The following PCDH15 variants were observed in gnomAD, a reference collection of about 807,000 sequenced individuals.
The protein encoded by PCDH15 is protocadherin related 15, also known as protocadherin-15.
A neutral mutation model predicts 178.5 loss-of-function variants in PCDH15; 129 were observed. That is an observed-to-expected ratio of 0.72 (90% CI 0.63 to 0.84). The LOEUF (loss-of-function observed/expected upper bound fraction) is 0.84. Ranked by LOEUF, PCDH15 falls within the 40% of genes least tolerant of loss-of-function variation. PCDH15 has a pLI of 0.00. For synonymous variants in PCDH15, 800 were observed against 732.0 expected (o/e 1.09, Z -1.50); for missense variants, 2,230 against 2,099.9 (o/e 1.06, Z -1.21).
intron 2 of PCDH15, among the ~76,000 whole-genome samples, chr10:54,630,390 T>G (rs77933450): frequency 2.7e-3 from 409 of 152,284 alleles, no homozygotes; most frequent in African/African-American, 9.6e-3. Flanking sequence ...TTCAACAGAC[T>G]CGACAAAAAT....
At chr10:54,991,746 AC>A (rs1442603195) in intron 2 of PCDH15, among the ~76,000 whole-genome samples, 1 of 152,134 alleles carries the variant, frequency 6.6e-6, no homozygotes, top group Non-Finnish European at 1.5e-5. Flanking sequence ...ATTTAAAATC[AC>A]TCGACTTATT....
chr10:54,471,695 C>CA (rs1373023902), intron 3 of PCDH15, among the ~76,000 whole-genome samples: 1 of 150,782 alleles, frequency 6.6e-6, no homozygotes. Flanking sequence ...ATATTCATTA[C>CA]AAAAACATGA....
chr10:54,363,445 A>G (rs1250546505), intron 5 of PCDH15, among the ~76,000 whole-genome samples: 2 of 152,190 alleles, frequency 1.3e-5, no homozygotes, highest in African/African-American at 4.8e-5. Flanking sequence ...GAAGTACAGA[A>G]CAAATTAAAT....
intron 2 of PCDH15, among the ~76,000 whole-genome samples, chr10:54,983,081 T>C (rs1032107761): frequency 4.6e-5 from 7 of 152,178 alleles, no homozygotes; most frequent in Non-Finnish European, 1.0e-4. Context: ...AGTAGGCATA[T>C]ATCAAGTTTA....
chr10:54,563,462 G>A (rs1162141087), intron 2 of PCDH15, among the ~76,000 whole-genome samples: 2 of 152,092 alleles, frequency 1.3e-5, no homozygotes, highest in African/African-American at 2.4e-5. Flanking sequence ...TCAAAGTACC[G>A]TGTTAACTTT....
intron 2 of PCDH15, among the ~76,000 whole-genome samples, chr10:55,153,270 T>C (rs1838788246): frequency 6.6e-6 from 1 of 152,072 alleles, no homozygotes; most frequent in African/African-American, 2.4e-5. Flanking sequence ...CCAGGTTGTG[T>C]CCTGCCCACA....
intron 18 of PCDH15, 87 bp downstream of exon 18, chr10:54,066,670 A>T: frequency 7.5e-7 from 1 of 1,340,084 alleles, no homozygotes; most frequent in Non-Finnish European, 1.1e-6. Flanking sequence ...AGATTACATT[A>T]GCTGAGTTTC....
intron 25 of PCDH15, among the ~76,000 whole-genome samples, chr10:53,918,922 T>A (rs1214437665): frequency 1.3e-5 from 2 of 152,198 alleles, no homozygotes; most frequent in Non-Finnish European, 2.9e-5. Flanking sequence ...TTCTAGAGCC[T>A]CTAGGGCTGT....
At chr10:55,402,347 T>C (rs1434743889) in intron 2 of PCDH15, among the ~76,000 whole-genome samples, 1 of 152,048 alleles carries the variant, frequency 6.6e-6, no homozygotes, top group Non-Finnish European at 1.5e-5. Context: ...ACTTCAAACA[T>C]TTATCATTTA....
chr10:53,952,351 C>T (rs2087151506), intron 23 of PCDH15, among the ~76,000 whole-genome samples: 1 of 152,186 alleles, frequency 6.6e-6, no homozygotes, highest in African/African-American at 2.4e-5. Flanking sequence ...CTGAAATAGG[C>T]AGCTCCTATA....
intron 2 of PCDH15, among the ~76,000 whole-genome samples, chr10:54,942,678 C>G (rs1192747615): frequency 6.6e-6 from 1 of 151,958 alleles, no homozygotes; most frequent in East Asian, 1.9e-4. Flanking sequence ...AGCACAAGGT[C>G]AAAGGCTTAC....
chr10:55,249,626 A>G (rs572071713), intron 1 of PCDH15, among the ~76,000 whole-genome samples: 12 of 152,318 alleles, frequency 7.9e-5, no homozygotes, highest in Non-Finnish European at 1.6e-4. Context: ...ATAAATTGCA[A>G]TCTTCTAATT....
intron 1 of PCDH15, among the ~76,000 whole-genome samples, chr10:54,739,594 C>A (rs1195874419): frequency 1.3e-5 from 2 of 150,166 alleles, no homozygotes; most frequent in African/African-American, 2.4e-5. Context: ...TTGTATGGAG[C>A]CACAAAAGAC....
intron 29 of PCDH15, among the ~76,000 whole-genome samples, 191 bp from the exon 30 acceptor site, chr10:53,831,724 T>C (rs1588990968): frequency 6.6e-6 from 1 of 152,126 alleles, no homozygotes; most frequent in Non-Finnish European, 1.5e-5. Context: ...ATTACACATC[T>C]GTATAGAAAT....
chr10:55,318,233 AG>A, intron 1 of PCDH15, among the ~76,000 whole-genome samples: 1 of 152,172 alleles, frequency 6.6e-6, no homozygotes, highest in South Asian at 2.1e-4. Context: ...AGAGAGAGAG[AG>A]GGAGAGAGAG....
chr10:54,691,254 TA>T (rs1282300532), intron 1 of PCDH15, among the ~76,000 whole-genome samples: 1 of 152,088 alleles, frequency 6.6e-6, no homozygotes, highest in East Asian at 1.9e-4. Context: ...TTGGCTCACT[TA>T]AAAGACTTTC....
chr10:54,390,295 TTTG>T (rs1565155653), intron 3 of PCDH15, among the ~76,000 whole-genome samples: 2 of 151,852 alleles, frequency 1.3e-5, no homozygotes, highest in African/African-American at 4.8e-5. Context: ...TTTGTTTTGT[TTTG>T]TTTTGTTTTG....
chr10:54,894,974 C>T (rs1954522275), intron 3 of PCDH15, among the ~76,000 whole-genome samples: 2 of 152,174 alleles, frequency 1.3e-5, no homozygotes. Context: ...TAGAAGTTCT[C>T]TTGCAACGTG....
At chr10:54,107,845 C>G (rs2094945058) in intron 15 of PCDH15, among the ~76,000 whole-genome samples, 9 of 152,122 alleles carry the variant, frequency 5.9e-5, no homozygotes. Context: ...TCATCAAACC[C>G]AAGAGAGGAA....
Sources: gnomAD v4.1 joint callset for allele counts (sites outside exome capture counted in the v4.1 genomes callset) on GRCh38, gnomAD v4.1.1 for gene constraint, MANE v1.5 for transcripts, NCBI Gene and HGNC (gene_info 2026-07-23, HGNC 2026-07-21) for gene names.